STX6: variants seen among roughly 807,000 people sequenced by gnomAD.
The protein encoded by STX6 is syntaxin-6.
In STX6, 23 loss-of-function variants were observed where a neutral mutation model predicts 38.0. That is an observed-to-expected ratio of 0.60 (90% CI 0.43 to 0.86). STX6 has a LOEUF of 0.86. Among genes scored for constraint, STX6 ranks in the 40% least tolerant of loss-of-function variants. The probability of loss-of-function intolerance (pLI) is 0.00; values close to 1 mark genes in which losing one functional copy is unlikely to be tolerated. For synonymous variants in STX6, 123 were observed against 107.5 expected (o/e 1.14, Z -0.89); for missense variants, 274 against 312.9 (o/e 0.88, Z 0.94).
At chr1:180,999,829 CA>C (rs1656026859) in intron 3 of STX6, among the ~76,000 whole-genome samples, 1 of 152,128 alleles carries the variant, frequency 6.6e-6, no homozygotes, top group African/African-American at 2.4e-5. Context: ...TAAATTTGTA[CA>C]AATTCCTAAT....
intron 3 of STX6, among the ~76,000 whole-genome samples, chr1:180,995,441 T>A (rs942683456): frequency 6.6e-6 from 1 of 152,184 alleles, no homozygotes. Flanking sequence ...CAGGATTCGT[T>A]TTCTGATTAT....
chr1:180,988,005 G>A (rs1655639011), intron 6 of STX6: 1 of 382,878 alleles, frequency 2.6e-6, no homozygotes, highest in Non-Finnish European at 4.8e-6. Context: ...ATCTGTGTCT[G>A]TTTTTGGAGG....
At chr1:180,977,118 C>G (rs1183826026) in intron 7 of STX6, among the ~76,000 whole-genome samples, 1 of 152,204 alleles carries the variant, frequency 6.6e-6, no homozygotes, top group South Asian at 2.1e-4. Flanking sequence ...AGGAAATATA[C>G]AGCTGAAAAA....
At chr1:181,003,152 C>G (rs1366125961) in intron 2 of STX6, among the ~76,000 whole-genome samples, 1 of 152,224 alleles carries the variant, frequency 6.6e-6, no homozygotes, top group Non-Finnish European at 1.5e-5. Context: ...TTCAGAGAAG[C>G]TGCCCTCATT....
At chr1:180,997,323 T>C (rs886613805) in intron 3 of STX6, among the ~76,000 whole-genome samples, 17 of 152,240 alleles carry the variant, frequency 1.1e-4, no homozygotes, top group Non-Finnish European at 1.8e-4. Context: ...TACTGAGCAC[T>C]TAAAATGTGG....
At chr1:180,995,278 T>C (rs1655873850) in intron 3 of STX6, among the ~76,000 whole-genome samples, 1 of 152,138 alleles carries the variant, frequency 6.6e-6, no homozygotes, top group African/African-American at 2.4e-5. Flanking sequence ...ATTTTTTAAA[T>C]GTAGTTCCCT....
chr1:180,983,082 T>A (rs1415013194), intron 7 of STX6, among the ~76,000 whole-genome samples: 1 of 152,254 alleles, frequency 6.6e-6, no homozygotes, highest in Non-Finnish European at 1.5e-5. Context: ...GTAAACGCAG[T>A]TAAGCACTTC....
intron 1 of STX6, among the ~76,000 whole-genome samples, chr1:181,010,549 G>A (rs1015092063): frequency 2.0e-5 from 3 of 152,076 alleles, no homozygotes; most frequent in Non-Finnish European, 2.9e-5. Flanking sequence ...TGATCCAACC[G>A]GCTCAGCCTC....
At chr1:180,985,040 G>A (rs762973486) in intron 6 of STX6, among the ~76,000 whole-genome samples, 2 of 152,140 alleles carry the variant, frequency 1.3e-5, no homozygotes, top group Non-Finnish European at 2.9e-5. Context: ...GGCAGTCCCC[G>A]TAATCAGATA....
chr1:181,007,644 C>T (rs902320063), intron 1 of STX6, among the ~76,000 whole-genome samples: 43 of 152,290 alleles, frequency 2.8e-4, no homozygotes, highest in African/African-American at 1.0e-3. Flanking sequence ...CACCAGTACA[C>T]AATGATGATG....
At chr1:180,986,102 G>T (rs1435042229) in intron 6 of STX6, among the ~76,000 whole-genome samples, 1 of 152,240 alleles carries the variant, frequency 6.6e-6, no homozygotes, top group Non-Finnish European at 1.5e-5. Context: ...CGCTAGGTAT[G>T]ACTTTTCATA....
Position 180,976,518 on chromosome 1 carries a change from C to T in STX6, c.*52G>A. On this transcript the variant is annotated 3_prime_UTR_variant, in exon 8 of 8. Coordinates refer to ENST00000258301, the MANE Select transcript of STX6 (RefSeq NM_005819.6). ...CAATGTCACACGTGCTCAGCTTCTC[C>T]TCCTCCCCTCGGTTCATATGCAGGA... 1 of 1,507,450 alleles carries T rather than the reference C, an allele frequency of 6.6e-7. No individual in the cohort carries two copies. The highest frequency in any genetic ancestry group is 9.2e-7 in the Non-Finnish European group (1 of 1,084,228). 93.4% of individuals were successfully genotyped at this position (1,507,450 alleles called of 1,614,324 possible). A position where few individuals can be genotyped will look rare whatever the true frequency, so the allele number is the denominator to read the frequency against.
intron 1 of STX6, among the ~76,000 whole-genome samples, chr1:181,018,220 C>T (rs1247267870): frequency 6.6e-6 from 1 of 151,422 alleles, no homozygotes; most frequent in Non-Finnish European, 1.5e-5. Flanking sequence ...GCCATCTCTA[C>T]TAAAAATACA....
intron 1 of STX6, among the ~76,000 whole-genome samples, chr1:181,022,139 T>A (rs919161212): frequency 2.8e-5 from 4 of 141,584 alleles, no homozygotes; most frequent in Non-Finnish European, 6.1e-5. Flanking sequence ...CAGACGCCTC[T>A]GGGCTTGTTG....
In STX6 at chr1:180,976,243, C is replaced by G. The variant is rs1382811844; in HGVS notation, c.*327G>C. On this transcript the variant is annotated 3_prime_UTR_variant, in exon 8 of 8. Transcript: ENST00000258301. Reference sequence around the variant, plus strand: ...GCATGGAATGAGCAACAGCAAAACACCAGTGGAGTCTGTAAGTCCCTCCTC... The same window carrying G: ...GCATGGAATGAGCAACAGCAAAACAGCAGTGGAGTCTGTAAGTCCCTCCTC... 6.3e-6 allele frequency: 2 copies of G among 317,298 alleles called. No homozygotes were observed. Among genetic ancestry groups the G allele is most frequent in the African/African-American group, 2.1e-5 (1 of 47,596 alleles). 19.7% of individuals were successfully genotyped at this position (317,298 alleles called of 1,614,324 possible). A position where few individuals can be genotyped will look rare whatever the true frequency, so the allele number is the denominator to read the frequency against.
intron 1 of STX6, among the ~76,000 whole-genome samples, chr1:181,010,468 A>G (rs907173992): frequency 2.6e-5 from 4 of 151,802 alleles, no homozygotes; most frequent in Admixed American, 2.6e-4. Context: ...CACTCAGCTA[A>G]TTTTCATATT....
chr1:180,984,901 T>A (rs1655527036), intron 6 of STX6, 130 bp from the exon 7 acceptor site: 1 of 484,722 alleles, frequency 2.1e-6, no homozygotes, highest in Middle Eastern at 4.4e-4. Context: ...AGGACCTCAC[T>A]CTGTTATCCA....
At chr1:181,009,051 A>G (rs1182939031) in intron 1 of STX6, among the ~76,000 whole-genome samples, 1 of 152,138 alleles carries the variant, frequency 6.6e-6, no homozygotes, top group Non-Finnish European at 1.5e-5. Context: ...GCAAACTTCC[A>G]TTTTGCCAGT....
chr1:180,988,209 C>T lies in STX6; in HGVS notation c.596+30G>A, dbSNP rs1336700108. ...AGGATGGCTCTGCCCCTCAATTTCA[C>T]TGAAGCGAGAGGGGTGTCTCAATAC... On this transcript the variant is annotated intron_variant, in intron 6 of 7. Transcript: ENST00000258301. 7.1e-6 allele frequency: 11 copies of T among 1,549,228 alleles called. No homozygotes were observed. In the South Asian group the frequency reaches 1.2e-4, roughly 17 times the overall value.
Sources: allele counts gnomAD v4.1 joint callset (sites outside exome capture counted in the v4.1 genomes callset), GRCh38; gene constraint gnomAD v4.1.1; transcripts MANE v1.5; gene names NCBI Gene and HGNC (gene_info 2026-07-23, HGNC 2026-07-21).